PDE8B: variants seen among roughly 807,000 people sequenced by gnomAD.
PDE8B encodes the protein high affinity cAMP-specific and IBMX-insensitive 3',5'-cyclic phosphodiesterase 8B.
A neutral mutation model predicts 101.3 loss-of-function variants in PDE8B; 26 were observed. That is an observed-to-expected ratio of 0.26 (90% CI 0.19 to 0.36). The LOEUF (loss-of-function observed/expected upper bound fraction) is 0.36. Among genes scored for constraint, PDE8B ranks in the 10% least tolerant of loss-of-function variants. The probability of loss-of-function intolerance (pLI) is 1.00; values close to 1 mark genes in which losing one functional copy is unlikely to be tolerated. For missense variants in PDE8B, 810 were observed against 1,163.1 expected (o/e 0.70, Z 4.42); for synonymous variants, 424 against 429.3 (o/e 0.99, Z 0.15).
At chr5:77,142,857 G>A in the PDE8B span, among the ~76,000 whole-genome samples, 3 of 151,794 alleles carry the variant, frequency 2.0e-5, no homozygotes, top group Non-Finnish European at 2.9e-5. Context: ...AAAAACAGAC[G>A]CTTTGCTCAG....
intron 1 of PDE8B, among the ~76,000 whole-genome samples, chr5:77,252,029 G>A (rs1301101074): frequency 6.6e-6 from 1 of 152,212 alleles, no homozygotes; most frequent in Non-Finnish European, 1.5e-5. Flanking sequence ...GCTCTCGCCT[G>A]TGTGGTTACA....
chr5:77,335,014 AC>A, intron 5 of PDE8B, among the ~76,000 whole-genome samples: 1 of 152,326 alleles, frequency 6.6e-6, no homozygotes, highest in Admixed American at 6.5e-5. Context: ...AAACCTGCTA[AC>A]TTTGTTTATC....
In PDE8B at chr5:77,210,878, C is replaced by G; in HGVS notation, c.-48C>G. ...CAGGTGGCAGCGGGTGCGCTGGGTC[C>G]CGGCGGCCGCGGGCGCGGGCGGGCG... On this transcript the variant is annotated 5_prime_UTR_variant, in exon 1 of 22. Coordinates refer to ENST00000264917, the MANE Select transcript of PDE8B (RefSeq NM_003719.5). The surrounding 1 kb of genome is among the most constrained non-coding windows in gnomAD (Gnocchi z 4.9). The G allele has an allele frequency of 8.1e-7, 1 of 1,230,066 alleles. No homozygotes were observed. Among genetic ancestry groups the G allele is most frequent in the Non-Finnish European group, 1.0e-6 (1 of 990,150 alleles). 76.2% of individuals were successfully genotyped at this position (1,230,066 alleles called of 1,614,324 possible). A position where few individuals can be genotyped will look rare whatever the true frequency, so the allele number is the denominator to read the frequency against.
At chr5:77,222,105 G>A (rs1751217105) in intron 1 of PDE8B, among the ~76,000 whole-genome samples, 1 of 152,156 alleles carries the variant, frequency 6.6e-6, no homozygotes, top group Non-Finnish European at 1.5e-5. Context: ...GTGAAGGAAA[G>A]GTGCTCACTG....
chr5:77,361,697 G>C (rs1022780429), intron 10 of PDE8B, among the ~76,000 whole-genome samples: 1 of 152,116 alleles, frequency 6.6e-6, no homozygotes, highest in Admixed American at 6.5e-5. Flanking sequence ...TGTATTTTTA[G>C]TAGAGATAGG....
the PDE8B span, among the ~76,000 whole-genome samples, chr5:77,185,177 T>A: frequency 3.3e-5 from 5 of 152,234 alleles, no homozygotes; most frequent in Admixed American, 2.6e-4. Context: ...TTTCAGTGTG[T>A]CCAGAAAGAG....
chr5:77,135,596 T>C, the PDE8B span, among the ~76,000 whole-genome samples: 2 of 151,004 alleles, frequency 1.3e-5, no homozygotes, highest in African/African-American at 4.9e-5. Context: ...CCTGCCTCAG[T>C]CTCCTGAGTA....
chr5:77,211,097 G>C lies in PDE8B; in HGVS notation c.172G>C (p.Ala58Pro), dbSNP rs1214715050. 21 of 1,491,438 alleles carry C rather than the reference G, an allele frequency of 1.4e-5. No individual in the cohort carries two copies. Among genetic ancestry groups the C allele is most frequent in the Non-Finnish European group, 1.9e-5 (21 of 1,127,278 alleles). 92.4% of individuals were successfully genotyped at this position (1,491,438 alleles called of 1,614,324 possible). The change falls in exon 1 of 22, where the codon GCG becomes CCG. Residue 58 changes from alanine to proline, a missense_variant. This residue lies in a region of PDE8B where 159 missense variants were observed against 146.6 expected (regional missense o/e 1.08). Coordinates refer to ENST00000264917, the MANE Select transcript of PDE8B (RefSeq NM_003719.5). This position sits in a 1 kb window ranked among gnomAD's most constrained non-coding sequence, Gnocchi z 4.1. ...DAADAIPPSR[A>P]SGPPSVARVR... ...CGCCGACGCCATCCCCCCGAGCCGC[G>C]CGTCGGGACCCCCCAGCGTAGCCCG... is the stretch of plus-strand genomic sequence containing the variant.
chr5:77,379,312 G>GA (rs540729957), intron 10 of PDE8B, among the ~76,000 whole-genome samples: 1 of 152,074 alleles, frequency 6.6e-6, no homozygotes, highest in African/African-American at 2.4e-5. Flanking sequence ...TGATCTGGGG[G>GA]AAAAAAACAG....
intron 10 of PDE8B, among the ~76,000 whole-genome samples, chr5:77,366,844 G>A (rs933629231): frequency 2.6e-5 from 4 of 152,084 alleles, no homozygotes. Context: ...TAGGGGCTTC[G>A]GGGCTCTAGG....
At chr5:77,248,125 G>GCT (rs1274668588) in intron 1 of PDE8B, among the ~76,000 whole-genome samples, 1 of 152,226 alleles carries the variant, frequency 6.6e-6, no homozygotes, top group Non-Finnish European at 1.5e-5. Context: ...CACAAACCCA[G>GCT]CTCTGACTCT....
chr5:77,425,280 G>T (rs1032006626), intron 20 of PDE8B, among the ~76,000 whole-genome samples: 2 of 152,198 alleles, frequency 1.3e-5, no homozygotes, highest in African/African-American at 4.8e-5. Flanking sequence ...GAGGCTTGGG[G>T]CCAGGCACAG....
chr5:77,312,056 A>G lies in PDE8B; in HGVS notation c.399+3A>G. On this transcript the variant is annotated splice_donor_region_variant and intron_variant, in intron 2 of 21. Coordinates refer to ENST00000264917, the MANE Select transcript of PDE8B (RefSeq NM_003719.5). ...GACTGACGCAGGACCCTATTCAGGT[A>G]CGCCTCCTTTACTCAGCCCTGTGAC... 6.2e-7 allele frequency: 1 copy of G among 1,601,712 alleles called. No homozygotes were observed. Among genetic ancestry groups the G allele is most frequent in the Non-Finnish European group, 8.5e-7 (1 of 1,170,704 alleles).
chr5:77,229,815 A>G (rs746577305), intron 1 of PDE8B, among the ~76,000 whole-genome samples: 3 of 152,206 alleles, frequency 2.0e-5, no homozygotes, highest in Admixed American at 6.5e-5. Flanking sequence ...GTATGGATAT[A>G]CTACATTTTG....
At chr5:77,335,371 C>G (rs1168951252) in intron 5 of PDE8B, among the ~76,000 whole-genome samples, 1 of 152,126 alleles carries the variant, frequency 6.6e-6, no homozygotes, top group African/African-American at 2.4e-5. Flanking sequence ...GTAAATCAAA[C>G]AGAAAGTATT....
At chr5:77,356,679 C>A (rs1782163585) in intron 10 of PDE8B, among the ~76,000 whole-genome samples, 1 of 152,192 alleles carries the variant, frequency 6.6e-6, no homozygotes, top group Non-Finnish European at 1.5e-5. Flanking sequence ...ATCCACCTGC[C>A]TCAGCCTCCC....
At chr5:77,276,725 T>G (rs1231224840) in intron 1 of PDE8B, among the ~76,000 whole-genome samples, 3 of 152,144 alleles carry the variant, frequency 2.0e-5, no homozygotes, top group Non-Finnish European at 4.4e-5. Context: ...TACTTAAAAG[T>G]AAATATTGGC....
chr5:77,139,194 CAG>C, the PDE8B span: 1 of 152,296 alleles, frequency 6.6e-6, no homozygotes, highest in African/African-American at 2.4e-5. Context: ...CTAAGCGAAA[CAG>C]AGCATTCTCT....
At chr5:77,364,354 T>G (rs938466935) in intron 10 of PDE8B, among the ~76,000 whole-genome samples, 1 of 152,214 alleles carries the variant, frequency 6.6e-6, no homozygotes, top group African/African-American at 2.4e-5. Context: ...GTCAAAGCAG[T>G]GTTCATCACA....
Sources: allele counts gnomAD v4.1 joint callset (sites outside exome capture counted in the v4.1 genomes callset), GRCh38; gene constraint gnomAD v4.1.1; regional missense constraint gnomAD v4.1.1; non-coding constraint Gnocchi (gnomAD v3.1); transcripts MANE v1.5; gene names NCBI Gene and HGNC (gene_info 2026-07-23, HGNC 2026-07-21).